Variants in GCNT2 observed in about 807,000 individuals in gnomAD.
GCNT2 encodes glucosaminyl (N-acetyl) transferase 2 (I blood group), also known as N-acetyllactosaminide beta-1,6-N-acetylglucosaminyl-transferase.
In GCNT2, 34 loss-of-function variants were observed where a neutral mutation model predicts 34.2. The ratio of observed to expected loss-of-function variants is 1.00; its 90% CI spans 0.76 to 1.32. The LOEUF (loss-of-function observed/expected upper bound fraction) is 1.32. Among genes scored for constraint, GCNT2 ranks in the 40% most tolerant of loss-of-function variants. The probability of loss-of-function intolerance (pLI) is 0.00; values close to 1 mark genes in which losing one functional copy is unlikely to be tolerated. For synonymous variants in GCNT2, 212 were observed against 188.0 expected, an observed-to-expected ratio of 1.13 and a Z score of -1.04; for missense variants, 584 against 489.4, an observed-to-expected ratio of 1.19 and a Z score of -1.82.
intron 3 of GCNT2, among the ~76,000 whole-genome samples, chr6:10,616,374 T>G (rs1038244853): frequency 6.6e-6 from 1 of 152,172 alleles, no homozygotes; most frequent in African/African-American, 2.4e-5. Flanking sequence ...TTCCACAGTG[T>G]GGAAAGCAAC....
intron 3 of GCNT2, among the ~76,000 whole-genome samples, chr6:10,541,266 G>C (rs1762025806): frequency 6.6e-6 from 1 of 152,132 alleles, no homozygotes; most frequent in African/African-American, 2.4e-5. Context: ...TGCGGTGTTT[G>C]GGTATTCTGT....
Position 10,576,498 on chromosome 6 carries a change from C to T in GCNT2, c.926-44853C>T, listed in dbSNP as rs1482896453. On this transcript the variant is annotated intron_variant, in intron 3 of 4. Coordinates refer to ENST00000495262, the MANE Select transcript of GCNT2 (RefSeq NM_145649.5). The stretch of plus-strand genomic sequence containing the variant: ...GAGTTTCCTAGATAATTGAAGCCTT[C>T]CCTTTTGTGCACAGAATAGTTAATT... 2.0e-5 allele frequency among the ~76,000 whole-genome samples: 3 copies of T among 152,034 alleles called. No homozygotes were observed. In the East Asian group the frequency reaches 5.8e-4, roughly 29 times the overall value.
intron 3 of GCNT2, among the ~76,000 whole-genome samples, chr6:10,544,870 G>A (rs1229510755): frequency 6.6e-6 from 1 of 151,200 alleles, no homozygotes; most frequent in Admixed American, 6.6e-5. Context: ...ACTGGAAACC[G>A]GGAGGCAGAG....
chr6:10,533,989 G>A (rs990001586), intron 3 of GCNT2, among the ~76,000 whole-genome samples: 1 of 151,422 alleles, frequency 6.6e-6, no homozygotes, highest in Admixed American at 6.6e-5. Flanking sequence ...ATGTCGCAGA[G>A]TCTCCACCTC....
At chr6:10,614,801 A>T (rs1765696635) in intron 3 of GCNT2, among the ~76,000 whole-genome samples, 2 of 152,110 alleles carry the variant, frequency 1.3e-5, no homozygotes, top group African/African-American at 4.8e-5. Context: ...AGCACTAAAG[A>T]CTGACTGAGT....
At chr6:10,617,255 C>G (rs1430720554) in intron 3 of GCNT2, among the ~76,000 whole-genome samples, 2 of 152,146 alleles carry the variant, frequency 1.3e-5, no homozygotes, top group Non-Finnish European at 2.9e-5. Flanking sequence ...CAGCTGCTGG[C>G]GCAGGTGCTA....
Position 10,579,770 on chromosome 6 carries a change from C to A in GCNT2, c.926-41581C>A, listed in dbSNP as rs547119741. On this transcript the variant is annotated intron_variant, in intron 3 of 4. Coordinates refer to ENST00000495262, the MANE Select transcript of GCNT2 (RefSeq NM_145649.5). ...GGCGGAGGTTGCAGTGAGCTGAGAT[C>A]GTGCCACTGCGCTCCAGCCTGGGCC... is the stretch of plus-strand genomic sequence containing the variant. Among the ~76,000 whole-genome samples the A allele has an allele frequency of 2.1e-5, 3 of 143,152 alleles. No individual in the cohort carries two copies. The East Asian group carries it at 6.6e-4, about 32-fold the overall frequency. 93.9% of individuals were successfully genotyped at this position (143,152 alleles called of 152,430 possible). A position where few individuals can be genotyped will look rare whatever the true frequency, so the allele number is the denominator to read the frequency against.
chr6:10,566,724 G>A (rs1763300102), intron 3 of GCNT2, among the ~76,000 whole-genome samples: 1 of 152,234 alleles, frequency 6.6e-6, no homozygotes, highest in Non-Finnish European at 1.5e-5. Context: ...TACTCAAGAT[G>A]ATGGAGTCCC....
At chr6:10,575,128 A>G in intron 3 of GCNT2, 1 of 456,696 alleles carries the variant, frequency 2.2e-6, no homozygotes, top group Non-Finnish European at 4.1e-6. Flanking sequence ...CCTTTCTTAT[A>G]GATTCACATA....
In GCNT2 at chr6:10,626,519, C is replaced by G; in HGVS notation, c.1121C>G (p.Pro374Arg). The G allele has an allele frequency of 1.2e-6, 2 of 1,613,352 alleles. No homozygotes were observed. The highest frequency in any genetic ancestry group is 1.7e-6 in the Non-Finnish European group (2 of 1,179,322). The change falls in exon 5 of 5, where the codon CCC becomes CGC. Residue 374 changes from proline to arginine, a missense_variant. Pro to Arg is a moderately radical substitution (Grantham distance 103). Transcript: ENST00000495262. Reference sequence around the variant, plus strand: ...AACAAGTTTGAGCTTAATACCTACCCCCTTACTGTGGAATGCCTAGAACTG... The same window carrying G: ...AACAAGTTTGAGCTTAATACCTACCGCCTTACTGTGGAATGCCTAGAACTG... ...FANKFELNTY[P>R]LTVECLELRH...
intron 3 of GCNT2, among the ~76,000 whole-genome samples, chr6:10,591,138 C>G (rs1764622733): frequency 6.6e-6 from 1 of 152,190 alleles, no homozygotes; most frequent in Non-Finnish European, 1.5e-5. Context: ...CAGACCTCCT[C>G]AGTATTTGAG....
intron 3 of GCNT2, among the ~76,000 whole-genome samples, chr6:10,530,485 GTC>G (rs1581363182): frequency 6.6e-6 from 1 of 152,098 alleles, no homozygotes; most frequent in South Asian, 2.1e-4. Context: ...TAATATTTTT[GTC>G]TCTGTTGAAG....
chr6:10,526,362 T>C (rs906227669), intron 1 of GCNT2, among the ~76,000 whole-genome samples: 1 of 152,208 alleles, frequency 6.6e-6, no homozygotes, highest in African/African-American at 2.4e-5. Flanking sequence ...CATCATTTCC[T>C]GTGTTCCTGA....
At chr6:10,596,295 G>A (rs1474684331) in intron 3 of GCNT2, among the ~76,000 whole-genome samples, 1 of 152,136 alleles carries the variant, frequency 6.6e-6, no homozygotes, top group Admixed American at 6.6e-5. Flanking sequence ...AGGCCTAGGC[G>A]GGTGGATCAC....
chr6:10,604,466 C>T (rs1245405534), intron 3 of GCNT2, among the ~76,000 whole-genome samples: 4 of 152,130 alleles, frequency 2.6e-5, no homozygotes. Context: ...CTTTGAAAAT[C>T]TCCAAGACTT....
intron 3 of GCNT2, chr6:10,586,655 T>C: frequency 6.2e-7 from 1 of 1,614,224 alleles, no homozygotes. Flanking sequence ...TGCTGCCTCC[T>C]GACCATGCAA....
chr6:10,586,108 G>A, intron 3 of GCNT2: 1 of 1,614,186 alleles, frequency 6.2e-7, no homozygotes, highest in East Asian at 2.2e-5. Context: ...AACAGTTCCA[G>A]TGAAAGGTAT....
intron 3 of GCNT2, among the ~76,000 whole-genome samples, chr6:10,603,424 A>G (rs11963593): frequency 0.11 from 16,278 of 152,276 alleles, 1,520 homozygotes; most frequent in African/African-American, 0.25. Context: ...GTTGCCCTAG[A>G]AACAAGAGGC....
At chr6:10,548,297 T>C (rs1762349934) in intron 3 of GCNT2, among the ~76,000 whole-genome samples, 1 of 152,208 alleles carries the variant, frequency 6.6e-6, no homozygotes, top group African/African-American at 2.4e-5. Context: ...CAAAGGATTT[T>C]TCTGTGAAGC....
Sources: gnomAD v4.1 joint callset for allele counts (sites outside exome capture counted in the v4.1 genomes callset) on GRCh38, gnomAD v4.1.1 for gene constraint, MANE v1.5 for transcripts, NCBI Gene and HGNC (gene_info 2026-07-23, HGNC 2026-07-21) for gene names.